Variants in CSMD1 observed in about 807,000 individuals in gnomAD.
CSMD1 encodes CUB and sushi domain-containing protein 1.
CSMD1 carries 213 observed loss-of-function variants against 417.5 expected under a neutral mutation model. The ratio of observed to expected loss-of-function variants is 0.51; its 90% CI spans 0.46 to 0.57. The LOEUF (loss-of-function observed/expected upper bound fraction) is 0.57, where lower values mean the gene tolerates loss of function less well. Among genes scored for constraint, CSMD1 ranks in the 20% least tolerant of loss-of-function variants. CSMD1 has a pLI of 0.00. For missense variants in CSMD1, 6,923 were observed against 4,529.7 expected (o/e 1.53, Z -15.17); for synonymous variants, 2,862 against 1,736.8 (o/e 1.65, Z -16.11).
intron 3 of CSMD1, among the ~76,000 whole-genome samples, chr8:4,281,999 G>C (rs1230656987): frequency 6.6e-6 from 1 of 152,210 alleles, no homozygotes; most frequent in Non-Finnish European, 1.5e-5. Context: ...ATAGCAAGGT[G>C]AATTCATGTT....
intron 10 of CSMD1, among the ~76,000 whole-genome samples, chr8:3,553,531 C>T (rs943378612): frequency 1.3e-5 from 2 of 152,182 alleles, no homozygotes. Context: ...AGCAGGATTG[C>T]TGCCGTGGCA....
chr8:3,784,254 A>G (rs749606657), intron 5 of CSMD1, among the ~76,000 whole-genome samples: 18 of 152,246 alleles, frequency 1.2e-4, no homozygotes, highest in Non-Finnish European at 2.4e-4. Context: ...TAAATGTCCA[A>G]CACAGGACCT....
chr8:3,916,176 A>G (rs77820861), intron 5 of CSMD1, among the ~76,000 whole-genome samples: 7,279 of 152,208 alleles, frequency 0.048, 229 homozygotes, highest in African/African-American at 0.092. Flanking sequence ...AAGAAATTGA[A>G]GACAACAATA....
chr8:2,940,300 C>A (rs576444760), intron 69 of CSMD1, among the ~76,000 whole-genome samples: 23 of 152,276 alleles, frequency 1.5e-4, no homozygotes, highest in African/African-American at 5.5e-4. Flanking sequence ...AAGTAGAGAA[C>A]TAAAAGACCC....
chr8:4,711,748 G>C (rs906553765), intron 1 of CSMD1, among the ~76,000 whole-genome samples: 2 of 152,084 alleles, frequency 1.3e-5, no homozygotes, highest in African/African-American at 2.4e-5. Context: ...AGTTTGGTGT[G>C]TTTATGTAGT....
intron 3 of CSMD1, among the ~76,000 whole-genome samples, chr8:4,268,947 A>T (rs1804397400): frequency 6.6e-6 from 1 of 152,210 alleles, no homozygotes; most frequent in Non-Finnish European, 1.5e-5. Flanking sequence ...TTACTTTCTC[A>T]TTCTGCTGTA....
chr8:3,644,812 C>G (rs1797492561), intron 7 of CSMD1, among the ~76,000 whole-genome samples: 1 of 151,950 alleles, frequency 6.6e-6, no homozygotes, highest in South Asian at 2.1e-4. Flanking sequence ...TTCCACTTAA[C>G]ATCCTCCCTC....
In CSMD1 at chr8:4,214,862, T is replaced by C. The variant is rs137867552; in HGVS notation, c.416-182763A>G. ...AAAAACTATGACCACCAGGTTTAGA[T>C]AGCGTTTTTTTAAAAAAATGTATAT... On this transcript the variant is annotated intron_variant, in intron 3 of 69. Transcript: ENST00000635120. 2.3e-4 allele frequency among the ~76,000 whole-genome samples: 35 copies of C among 151,876 alleles called. No homozygotes were observed. The East Asian group carries it at 5.4e-3, about 23-fold the overall frequency.
chr8:3,819,486 C>T (rs1009714314), intron 5 of CSMD1, among the ~76,000 whole-genome samples: 1 of 148,942 alleles, frequency 6.7e-6, no homozygotes, highest in Non-Finnish European at 1.5e-5. Flanking sequence ...TGGCACTGCT[C>T]TTTCTATTCT....
chr8:4,008,364 A>G (rs1563312664), intron 4 of CSMD1, among the ~76,000 whole-genome samples: 1 of 151,914 alleles, frequency 6.6e-6, no homozygotes, highest in Non-Finnish European at 1.5e-5. Flanking sequence ...ATGGATACTA[A>G]TAAGCATGAA....
intron 5 of CSMD1, among the ~76,000 whole-genome samples, chr8:3,844,414 A>G (rs900543633): frequency 2.6e-5 from 4 of 152,206 alleles, no homozygotes; most frequent in African/African-American, 9.6e-5. Flanking sequence ...GACAAAGAAT[A>G]ATTCTAGAAC....
intron 4 of CSMD1, among the ~76,000 whole-genome samples, chr8:4,005,514 C>G (rs1356446043): frequency 6.6e-6 from 1 of 152,206 alleles, no homozygotes; most frequent in African/African-American, 2.4e-5. Context: ...TGGCGATACA[C>G]TTGCCTTTCT....
intron 2 of CSMD1, among the ~76,000 whole-genome samples, chr8:4,618,294 C>T (rs993040005): frequency 1.2e-5 from 1 of 83,030 alleles, no homozygotes; most frequent in Non-Finnish European, 2.4e-5. Flanking sequence ...CTAAGCTCAG[C>T]CATGTCCCTC....
chr8:4,452,046 G>T (rs189810959), intron 2 of CSMD1, among the ~76,000 whole-genome samples: 2 of 151,730 alleles, frequency 1.3e-5, no homozygotes, highest in African/African-American at 2.4e-5. Flanking sequence ...CAGAGGGGTG[G>T]AAGAGGAAGA....
At chr8:3,567,553 AAAGGGAAGGG>A (rs1319693347) in intron 10 of CSMD1, among the ~76,000 whole-genome samples, 1 of 151,532 alleles carries the variant, frequency 6.6e-6, no homozygotes, top group Non-Finnish European at 1.5e-5. Flanking sequence ...AAAGGGAAGG[AAAGGGAAGGG>A]AAGGAAAGGG....
chr8:4,258,271 G>A lies in CSMD1; in HGVS notation c.415+161682C>T, dbSNP rs531891562. ...CTTCCTATCTTAAAGGCCTGTCGCT[G>A]TGAGCTATTATGGTAAGGAGAAAGG... On this transcript the variant is annotated intron_variant, in intron 3 of 69. Transcript: ENST00000635120. Among the ~76,000 whole-genome samples, 9 of 136,450 alleles carry A rather than the reference G, an allele frequency of 6.6e-5. 1 individual carries two copies. Among genetic ancestry groups the A allele is most frequent in the African/African-American group, 2.5e-4 (9 of 36,104 alleles). The allele number at this position is 136,450 out of a possible 152,430, so 89.5% of individuals were successfully genotyped here.
chr8:3,257,858 C>T (rs1800775870), intron 26 of CSMD1, among the ~76,000 whole-genome samples: 9 of 152,074 alleles, frequency 5.9e-5, no homozygotes, highest in Admixed American at 5.9e-4. Context: ...TGGGGCTTGA[C>T]TCAGTGATCC....
intron 2 of CSMD1, among the ~76,000 whole-genome samples, chr8:4,462,038 C>G (rs186332333): frequency 1.3e-5 from 2 of 151,966 alleles, no homozygotes; most frequent in Non-Finnish European, 2.9e-5. Context: ...CCACGTCTGG[C>G]TGCTAATCTT....
chr8:3,711,021 G>A (rs990487471), intron 6 of CSMD1, among the ~76,000 whole-genome samples: 2 of 152,100 alleles, frequency 1.3e-5, no homozygotes, highest in African/African-American at 2.4e-5. Flanking sequence ...ATCAAGAGCG[G>A]TGAGAAACAC....
Sources: gnomAD v4.1 joint callset for allele counts (sites outside exome capture counted in the v4.1 genomes callset) on GRCh38, gnomAD v4.1.1 for gene constraint, MANE v1.5 for transcripts, NCBI Gene and HGNC (gene_info 2026-07-23, HGNC 2026-07-21) for gene names.